TRPC5: variants seen among roughly 807,000 people sequenced by gnomAD.
The protein encoded by TRPC5 is transient receptor potential cation channel subfamily C member 5.
Under a neutral mutation model 56.5 loss-of-function variants are expected in TRPC5, and 9 were observed. That is an observed-to-expected ratio of 0.16 (90% CI 0.10 to 0.28). TRPC5 has a LOEUF of 0.28. Among genes scored for constraint, TRPC5 ranks in the 10% least tolerant of loss-of-function variants. TRPC5 has a pLI of 1.00. For missense variants in TRPC5, 469 were observed against 748.9 expected, an observed-to-expected ratio of 0.63 and a Z score of 4.36; for synonymous variants, 282 against 278.5, an observed-to-expected ratio of 1.01 and a Z score of -0.13.
At chrX:111,932,619 C>A (rs138695358) in intron 2 of TRPC5, among the ~76,000 whole-genome samples, 24 of 111,436 alleles carry the variant, frequency 2.2e-4, no homozygotes, top group African/African-American at 7.5e-4. Flanking sequence ...GTCCTGACTG[C>A]CAGTCAGAAA....
chrX:111,842,067 A>ATCTG (rs1385636481), intron 6 of TRPC5, among the ~76,000 whole-genome samples: 1 of 98,619 alleles, frequency 1.0e-5, no homozygotes, highest in East Asian at 3.0e-4. Context: ...CTATCTATCT[A>ATCTG]TCTATCTATC....
chrX:111,960,554 A>G (rs970389908), intron 1 of TRPC5, among the ~76,000 whole-genome samples: 2 of 111,967 alleles, frequency 1.8e-5, no homozygotes, highest in African/African-American at 6.5e-5. Flanking sequence ...AGTCAAGGTA[A>G]AAGCAGAATG....
At chrX:111,821,850 T>C (rs1396324139) in intron 7 of TRPC5, among the ~76,000 whole-genome samples, 1 of 111,417 alleles carries the variant, frequency 9.0e-6, no homozygotes, top group Non-Finnish European at 1.9e-5. Flanking sequence ...GAGACCAATT[T>C]AAGTAGGAAG....
At chrX:111,870,731 T>C (rs1047469676) in intron 3 of TRPC5, among the ~76,000 whole-genome samples, 1 of 111,432 alleles carries the variant, frequency 9.0e-6, no homozygotes, top group African/African-American at 3.3e-5. Context: ...CAGGTGAGTA[T>C]TGCTCACCTG....
chrX:111,825,460 C>T (rs988651576), intron 7 of TRPC5, among the ~76,000 whole-genome samples: 1 of 108,815 alleles, frequency 9.2e-6, no homozygotes, highest in Non-Finnish European at 1.9e-5. Context: ...CCATGTTGGC[C>T]AGGCTCATCT....
At chrX:112,010,295 T>A (rs1928957508) in intron 1 of TRPC5, among the ~76,000 whole-genome samples, 1 of 112,253 alleles carries the variant, frequency 8.9e-6, no homozygotes, top group Non-Finnish European at 1.9e-5. Flanking sequence ...CTCTCCCACT[T>A]AGCAGCTCTG....
chrX:111,807,866 T>A (rs1274087031), intron 7 of TRPC5, among the ~76,000 whole-genome samples: 1 of 111,938 alleles, frequency 8.9e-6, no homozygotes, highest in African/African-American at 3.3e-5. Context: ...TTTGATAAGA[T>A]CTGGAAGAAT....
At chrX:111,848,201 G>A (rs1444802458) in intron 5 of TRPC5, among the ~76,000 whole-genome samples, 1 of 111,461 alleles carries the variant, frequency 9.0e-6, no homozygotes, top group Non-Finnish European at 1.9e-5. Context: ...TGAAGGAGGG[G>A]AAGAACCAAT....
chrX:111,969,727 G>T (rs1200705903), intron 1 of TRPC5, among the ~76,000 whole-genome samples: 1 of 111,226 alleles, frequency 9.0e-6, no homozygotes, highest in Non-Finnish European at 1.9e-5. Flanking sequence ...TACTGTTTTG[G>T]ATAGGGCAAT....
intron 1 of TRPC5, among the ~76,000 whole-genome samples, chrX:112,058,524 G>C (rs1409382935): frequency 9.0e-6 from 1 of 111,290 alleles, no homozygotes; most frequent in Non-Finnish European, 1.9e-5. Flanking sequence ...TCAGTCTTGT[G>C]GACTAAAAGT....
intron 1 of TRPC5, among the ~76,000 whole-genome samples, chrX:112,014,460 T>A (rs1929069421): frequency 8.9e-6 from 1 of 112,240 alleles, no homozygotes; most frequent in South Asian, 3.7e-4. Flanking sequence ...CTCTTTACAG[T>A]TTTTTGTTCG....
intron 1 of TRPC5, among the ~76,000 whole-genome samples, chrX:112,040,156 C>T (rs1209853995): frequency 8.9e-6 from 1 of 111,860 alleles, no homozygotes; most frequent in African/African-American, 3.2e-5. Context: ...TTATTGGGTA[C>T]CTTCCTTTTG....
At chrX:111,883,552 A>G (rs1397851287) in intron 3 of TRPC5, among the ~76,000 whole-genome samples, 1 of 113,037 alleles carries the variant, frequency 8.8e-6, no homozygotes, top group East Asian at 2.8e-4. Context: ...TAGTTAAGCC[A>G]GTTAAAGCCT....
chrX:112,013,722 A>G (rs1478316438), intron 1 of TRPC5, among the ~76,000 whole-genome samples: 7 of 111,491 alleles, frequency 6.3e-5, no homozygotes, highest in Non-Finnish European at 1.3e-4. Context: ...CATGTGCTAG[A>G]TTTTGACTCA....
At chrX:111,854,171 C>T in intron 3 of TRPC5, 65 bp from the exon 4 acceptor site, 1 of 1,082,793 alleles carries the variant, frequency 9.2e-7, no homozygotes, top group South Asian at 2.2e-5. Flanking sequence ...TGTCATAATA[C>T]CTTTCCTAGT....
At chrX:111,942,770 A>G (rs1264936506) in intron 2 of TRPC5, among the ~76,000 whole-genome samples, 1 of 112,172 alleles carries the variant, frequency 8.9e-6, no homozygotes, top group African/African-American at 3.2e-5. Context: ...TTCACCTAGA[A>G]GTTTGACTTT....
rs924788451 is a variant in TRPC5, at chrX:111,918,267, C to A, written c.379-5455G>T. Among the ~76,000 whole-genome samples the A allele has an allele frequency of 5.5e-4, 61 of 111,532 alleles. No individual in the cohort carries two copies. The Admixed American group carries it at 5.7e-3, about 11-fold the overall frequency. The stretch of plus-strand genomic sequence containing the variant: ...GTTTGTTATTGAAGAGGGCTGGAAG[C>A]TGAAGTATTTCCCATCTAAAAATGC... On this transcript the variant is annotated intron_variant, in intron 2 of 10. Transcript: ENST00000262839.
intron 1 of TRPC5, among the ~76,000 whole-genome samples, chrX:111,953,391 G>T (rs1927144186): frequency 8.9e-6 from 1 of 112,298 alleles, no homozygotes; most frequent in South Asian, 3.7e-4. Flanking sequence ...GGGAGACAAA[G>T]GTAAAAAGAT....
intron 2 of TRPC5, among the ~76,000 whole-genome samples, chrX:111,940,570 A>G (rs1301965963): frequency 9.3e-6 from 1 of 107,734 alleles, no homozygotes; most frequent in Non-Finnish European, 1.9e-5. Flanking sequence ...AGGCCCCTGT[A>G]GTCTCAGCCA....
Sources: gnomAD v4.1 joint callset for allele counts (sites outside exome capture counted in the v4.1 genomes callset) on GRCh38, gnomAD v4.1.1 for gene constraint, MANE v1.5 for transcripts, NCBI Gene and HGNC (gene_info 2026-07-23, HGNC 2026-07-21) for gene names.